FOXP2: variants seen among roughly 807,000 people sequenced by gnomAD.
FOXP2 encodes the protein forkhead box P2.
Under a neutral mutation model 115.8 loss-of-function variants are expected in FOXP2, and 12 were observed. The observed-to-expected ratio is 0.10, with a 90% CI of 0.07 to 0.17. The LOEUF is 0.17. Among genes scored for constraint, FOXP2 ranks in the 10% least tolerant of loss-of-function variants. The pLI is 1.00. For synonymous variants in FOXP2, 328 were observed against 297.7 expected, an observed-to-expected ratio of 1.10 and a Z score of -1.05; for missense variants, 629 against 843.5, an observed-to-expected ratio of 0.75 and a Z score of 3.15.
At chr7:114,344,597 A>G (rs1791295144) in intron 2 of FOXP2, among the ~76,000 whole-genome samples, 1 of 151,852 alleles carries the variant, frequency 6.6e-6, no homozygotes, top group Admixed American at 6.6e-5. Flanking sequence ...ACAGATGTAG[A>G]GAAATGTAGA....
At position 114,233,348 on chromosome 7, in the gene FOXP2, AAACAGAGTATAT is replaced by A. The variant is rs1314573713; in HGVS notation, c.-101-54668_-101-54657del. ...TTTACTCTTGTGTATGTCTTATACA[AAACAGAGTATAT>A]AAAATATTTAAGTATAGTAGCACTT... On this transcript the variant is annotated intron_variant, in intron 1 of 17. Coordinates refer to the FOXP2 transcript ENST00000634411. Among the ~76,000 whole-genome samples the A allele has an allele frequency of 6.6e-5, 10 of 152,360 alleles. No individual in the cohort carries two copies. In the East Asian group the frequency reaches 1.9e-3, roughly 29 times the overall value.
At chr7:114,362,074 A>AG (rs1562887269) in intron 2 of FOXP2, among the ~76,000 whole-genome samples, 1 of 152,024 alleles carries the variant, frequency 6.6e-6, no homozygotes, top group African/African-American at 2.4e-5. Context: ...TATGGTGGCC[A>AG]GGGAGGGGGT....
At chr7:114,541,012 G>T (rs1439888996) in intron 3 of FOXP2, among the ~76,000 whole-genome samples, 7 of 152,082 alleles carry the variant, frequency 4.6e-5, no homozygotes, top group Non-Finnish European at 1.0e-4. Context: ...GGTCTGTGAA[G>T]ATAGCAATGG....
intron 1 of FOXP2, among the ~76,000 whole-genome samples, chr7:114,211,488 C>T (rs1049819684): frequency 6.6e-6 from 1 of 152,182 alleles, no homozygotes; most frequent in African/African-American, 2.4e-5. Context: ...TGGGCTGTCA[C>T]CCCTGGGTTG....
At chr7:114,136,684 G>GA (rs547560293) in intron 1 of FOXP2, among the ~76,000 whole-genome samples, 127 of 141,632 alleles carry the variant, frequency 9.0e-4, no homozygotes, top group African/African-American at 2.6e-3. Flanking sequence ...CTAGCATTCA[G>GA]AAAAAAAAAA....
chr7:114,328,663 C>A (rs1797620850), intron 2 of FOXP2, among the ~76,000 whole-genome samples: 1 of 152,130 alleles, frequency 6.6e-6, no homozygotes, highest in Non-Finnish European at 1.5e-5. Flanking sequence ...CAGAAGTAAG[C>A]AAGCAAATAA....
intron 6 of FOXP2, among the ~76,000 whole-genome samples, chr7:114,634,017 A>G (rs1805071446): frequency 6.8e-6 from 1 of 147,988 alleles, no homozygotes; most frequent in Non-Finnish European, 1.5e-5. Context: ...TTTTTTTTTG[A>G]GGAGTCTCAC....
chr7:114,427,198 C>CT (rs1226601274), intron 2 of FOXP2, among the ~76,000 whole-genome samples: 2 of 151,558 alleles, frequency 1.3e-5, no homozygotes, highest in African/African-American at 4.8e-5. Context: ...CGATCTGTTG[C>CT]TTTTCTTGAA....
intron 2 of FOXP2, among the ~76,000 whole-genome samples, chr7:114,507,385 C>T (rs887796196): frequency 2.0e-5 from 3 of 151,812 alleles, no homozygotes; most frequent in African/African-American, 7.2e-5. Context: ...GATGTGTTTT[C>T]CAGGATGCAA....
chr7:114,138,461 G>A (rs55723428), intron 1 of FOXP2, among the ~76,000 whole-genome samples: 20,940 of 147,664 alleles, frequency 0.14, 1,925 homozygotes, highest in East Asian at 0.4. Context: ...ACGCAATCTC[G>A]GCTCACTGCA....
intron 3 of FOXP2, among the ~76,000 whole-genome samples, chr7:114,571,148 A>T (rs890663865): frequency 6.6e-6 from 1 of 151,926 alleles, no homozygotes; most frequent in South Asian, 2.1e-4. Flanking sequence ...TAACACCACT[A>T]TACTTTTCTT....
chr7:114,231,984 A>T (rs1317320797), intron 1 of FOXP2, among the ~76,000 whole-genome samples: 2 of 152,166 alleles, frequency 1.3e-5, no homozygotes, highest in Non-Finnish European at 2.9e-5. Context: ...TTAATATCTT[A>T]AAAAAAGGAA....
At chr7:114,267,614 C>T (rs922719682) in intron 1 of FOXP2, among the ~76,000 whole-genome samples, 1 of 151,716 alleles carries the variant, frequency 6.6e-6, no homozygotes, top group Non-Finnish European at 1.5e-5. Context: ...GTAGTCCCAA[C>T]TACTCGGGAG....
intron 1 of FOXP2, among the ~76,000 whole-genome samples, chr7:114,266,058 A>G (rs1213466443): frequency 6.6e-6 from 1 of 151,134 alleles, no homozygotes. Flanking sequence ...TGTCTTGAAT[A>G]TTAGCACTTC....
chr7:114,352,525 T>A (rs572301364), intron 2 of FOXP2, among the ~76,000 whole-genome samples: 2 of 152,292 alleles, frequency 1.3e-5, no homozygotes, highest in Admixed American at 1.3e-4. Context: ...CCTAGAAAAC[T>A]AACAGACTAA....
At chr7:114,354,335 A>T (rs1457591439) in intron 2 of FOXP2, among the ~76,000 whole-genome samples, 1 of 152,066 alleles carries the variant, frequency 6.6e-6, no homozygotes, top group Non-Finnish European at 1.5e-5. Flanking sequence ...CGGCCTCCAT[A>T]ATTGTGTGAT....
chr7:114,189,464 C>T lies in FOXP2; in HGVS notation c.-102+26376C>T, dbSNP rs146728225. On this transcript the variant is annotated intron_variant, in intron 1 of 17. Coordinates refer to the FOXP2 transcript ENST00000634411. ...GAAATAAATCCCATAAAGATATACT[C>T]TCCTACTTTTCCCATCTCTCTTTTT... Among the ~76,000 whole-genome samples, 417 of 152,172 alleles carry T rather than the reference C, an allele frequency of 2.7e-3. 4 individuals carry two copies. Among genetic ancestry groups the T allele is most frequent in the African/African-American group, 9.7e-3 (403 of 41,548 alleles).
intron 2 of FOXP2, among the ~76,000 whole-genome samples, chr7:114,352,218 GGT>G (rs1194325061): frequency 6.6e-6 from 1 of 152,000 alleles, no homozygotes; most frequent in Non-Finnish European, 1.5e-5. Flanking sequence ...AATGAGCCAT[GGT>G]CACACCACTG....
chr7:114,672,719 G>T (rs999783879), intron 16 of FOXP2, among the ~76,000 whole-genome samples: 1 of 152,124 alleles, frequency 6.6e-6, no homozygotes, highest in African/African-American at 2.4e-5. Context: ...TTGAGCAAAG[G>T]AATAGTGTCA....
Sources: gnomAD v4.1 joint callset for allele counts (sites outside exome capture counted in the v4.1 genomes callset) on GRCh38, gnomAD v4.1.1 for gene constraint, MANE v1.5 for transcripts, NCBI Gene and HGNC (gene_info 2026-07-23, HGNC 2026-07-21) for gene names.